MPP7: variants seen among roughly 807,000 people sequenced by gnomAD.
The protein encoded by MPP7 is MAGUK p55 subfamily member 7.
Under a neutral mutation model 76.5 loss-of-function variants are expected in MPP7, and 60 were observed. The ratio of observed to expected loss-of-function variants is 0.78; its 90% CI spans 0.64 to 0.97. The LOEUF (loss-of-function observed/expected upper bound fraction) is 0.97, where lower values mean the gene tolerates loss of function less well. MPP7 is among the 50% of genes least tolerant of loss of function. The probability of loss-of-function intolerance (pLI) is 0.00; values close to 1 mark genes in which losing one functional copy is unlikely to be tolerated. For missense variants in MPP7, 641 were observed against 694.0 expected (o/e 0.92, Z 0.86); for synonymous variants, 237 against 244.5 (o/e 0.97, Z 0.29).
rs1851464713 is a variant in MPP7, at chr10:28,054,250, AAAGG to A, written c.1552-10_1552-7del. On this transcript the variant is annotated splice_region_variant and splice_polypyrimidine_tract_variant and intron_variant, in intron 16 of 16. Coordinates refer to ENST00000683449, the MANE Select transcript of MPP7 (RefSeq NM_001318170.2). The stretch of plus-strand genomic sequence containing the variant: ...ATTTCTTGAAAATCTTCTTCCTACA[AAAGG>A]AAGTATTAAAAAAATAATTGGTTAA... 6.6e-7 allele frequency: 1 copy of A among 1,524,122 alleles called. No individual in the cohort carries two copies. The highest frequency in any genetic ancestry group is 8.9e-7 in the Non-Finnish European group (1 of 1,117,998). 94.4% of individuals were successfully genotyped at this position (1,524,122 alleles called of 1,614,324 possible). A position where few individuals can be genotyped will look rare whatever the true frequency, so the allele number is the denominator to read the frequency against.
chr10:28,145,417 T>C (rs913386963), intron 5 of MPP7, among the ~76,000 whole-genome samples: 1 of 152,184 alleles, frequency 6.6e-6, no homozygotes, highest in African/African-American at 2.4e-5. Context: ...ACAACCTACA[T>C]ACCTTGCTTC....
intron 2 of MPP7, among the ~76,000 whole-genome samples, chr10:28,215,109 T>C (rs1488244543): frequency 6.6e-6 from 1 of 151,960 alleles, no homozygotes; most frequent in Non-Finnish European, 1.5e-5. Flanking sequence ...GCCTGAACAA[T>C]CAGCACTTCT....
At chr10:28,134,174 A>T (rs1309909879) in intron 5 of MPP7, among the ~76,000 whole-genome samples, 1 of 152,178 alleles carries the variant, frequency 6.6e-6, no homozygotes, top group Non-Finnish European at 1.5e-5. Context: ...TTCTAACATG[A>T]TCCCAAACAT....
At chr10:28,203,003 A>T (rs1837830931) in intron 2 of MPP7, 1 of 152,190 alleles carries the variant, frequency 6.6e-6, no homozygotes, top group Non-Finnish European at 1.5e-5. Flanking sequence ...TACATAAACC[A>T]TCCATCTCCA....
At chr10:28,146,118 G>T (rs978897416) in intron 5 of MPP7, among the ~76,000 whole-genome samples, 5 of 152,086 alleles carry the variant, frequency 3.3e-5, no homozygotes, top group African/African-American at 9.7e-5. Context: ...AACTTCTCAG[G>T]TGCAGTCTAA....
chr10:28,184,094 A>G (rs924297789), intron 3 of MPP7, among the ~76,000 whole-genome samples: 22 of 150,838 alleles, frequency 1.5e-4, no homozygotes, highest in African/African-American at 4.4e-4. Context: ...GTAAAATAAG[A>G]AGATATTTAT....
At chr10:28,318,021 G>A (rs568858128) in intron 2 of MPP7, among the ~76,000 whole-genome samples, 13 of 152,288 alleles carry the variant, frequency 8.5e-5, no homozygotes, top group Admixed American at 2.6e-4. Context: ...CTGTTGTTCC[G>A]GGTGCCATCG....
chr10:28,086,748 G>GTT (rs1853029224), intron 12 of MPP7, among the ~76,000 whole-genome samples: 1 of 152,186 alleles, frequency 6.6e-6, no homozygotes, highest in Non-Finnish European at 1.5e-5. Flanking sequence ...GAAAGGCCAA[G>GTT]TTGTGTCAGA....
chr10:28,307,281 C>A (rs1458516514), upstream of MPP7, among the ~76,000 whole-genome samples: 1 of 152,184 alleles, frequency 6.6e-6, no homozygotes, highest in Admixed American at 6.5e-5. Context: ...CTTTCTACTT[C>A]AGTTGGCTTC....
intron 13 of MPP7, among the ~76,000 whole-genome samples, chr10:28,063,856 C>T (rs1383859876): frequency 2.0e-5 from 3 of 152,172 alleles, no homozygotes; most frequent in Admixed American, 6.5e-5. Flanking sequence ...TAAAATTATG[C>T]TAGTCATTAG....
intron 3 of MPP7, among the ~76,000 whole-genome samples, chr10:28,193,217 T>G (rs1314063359): frequency 2.6e-5 from 2 of 77,920 alleles, no homozygotes; most frequent in Non-Finnish European, 4.1e-5. Flanking sequence ...GGTTTTTTGT[T>G]TTTTTTTTTT....
At chr10:28,081,067 G>A (rs1445396740) in intron 12 of MPP7, among the ~76,000 whole-genome samples, 1 of 152,048 alleles carries the variant, frequency 6.6e-6, no homozygotes, top group East Asian at 1.9e-4. Flanking sequence ...GCAGTCTTTG[G>A]GCAGCACATA....
intron 3 of MPP7, among the ~76,000 whole-genome samples, chr10:28,195,726 G>T (rs977398169): frequency 5.3e-5 from 8 of 152,196 alleles, no homozygotes; most frequent in African/African-American, 1.9e-4. Flanking sequence ...TTAGGGATGG[G>T]ATGGGAGAGA....
chr10:28,131,605 T>C lies in MPP7; in HGVS notation c.402A>G (p.Glu134=). The change falls in exon 6 of 17, where the codon GAA becomes GAG. Residue 134 remains glutamate (E), a synonymous_variant. Coordinates refer to ENST00000683449, the MANE Select transcript of MPP7 (RefSeq NM_001318170.2). ...PPMPEDIDDE[E]DSVKIIRLVK... Reference sequence around the variant, plus strand: ...CCAGACGGATTATTTTTACTGAGTCTTCCTCATCGTCAATATCTTCAGGCA... The same window carrying C: ...CCAGACGGATTATTTTTACTGAGTCCTCCTCATCGTCAATATCTTCAGGCA... 6.2e-7 allele frequency: 1 copy of C among 1,606,478 alleles called. No homozygotes were observed.
chr10:28,070,852 T>C (rs1043231802), intron 12 of MPP7, among the ~76,000 whole-genome samples: 6 of 152,092 alleles, frequency 3.9e-5, no homozygotes, highest in Non-Finnish European at 8.8e-5. Context: ...CAAATATGAG[T>C]CTGAAATCAA....
At chr10:28,072,984 G>A (rs1264459715) in intron 12 of MPP7, among the ~76,000 whole-genome samples, 1 of 152,160 alleles carries the variant, frequency 6.6e-6, no homozygotes, top group African/African-American at 2.4e-5. Context: ...GCTGAGCTGA[G>A]TGCAGAAAAC....
intron 1 of MPP7, among the ~76,000 whole-genome samples, chr10:28,272,517 T>C (rs1170924621): frequency 6.6e-6 from 1 of 152,180 alleles, no homozygotes; most frequent in Non-Finnish European, 1.5e-5. Flanking sequence ...AAAGAAGTGC[T>C]TTTCATTGGG....
chr10:28,234,925 C>T (rs931538029), intron 2 of MPP7, among the ~76,000 whole-genome samples: 2 of 152,228 alleles, frequency 1.3e-5, no homozygotes, highest in Admixed American at 1.3e-4. Context: ...ATCCTCCCAC[C>T]TCAGCCTTCC....
chr10:28,078,264 G>A (rs1173102104), intron 12 of MPP7, among the ~76,000 whole-genome samples: 1 of 152,148 alleles, frequency 6.6e-6, no homozygotes, highest in Non-Finnish European at 1.5e-5. Flanking sequence ...TTATGCTCCA[G>A]GAATAGGCAG....
Sources: allele counts gnomAD v4.1 joint callset (sites outside exome capture counted in the v4.1 genomes callset), GRCh38; gene constraint gnomAD v4.1.1; transcripts MANE v1.5; gene names NCBI Gene and HGNC (gene_info 2026-07-23, HGNC 2026-07-21).